Variants in LRRC49 observed in about 807,000 individuals in gnomAD.
LRRC49 encodes leucine rich repeat containing 49.
LRRC49 carries 50 observed loss-of-function variants against 83.3 expected under a neutral mutation model. The observed-to-expected ratio is 0.60, with a 90% CI of 0.48 to 0.76. The LOEUF is 0.76. Among genes scored for constraint, LRRC49 ranks in the 30% least tolerant of loss-of-function variants. The pLI is 0.00. For synonymous variants in LRRC49, 286 were observed against 283.3 expected (o/e 1.01, Z -0.10); for missense variants, 704 against 809.1 (o/e 0.87, Z 1.58).
At chr15:70,900,503 A>G in intron 3 of LRRC49, 1 of 456,838 alleles carries the variant, frequency 2.2e-6, no homozygotes, top group Non-Finnish European at 4.4e-6. Flanking sequence ...CCTTATCAGC[A>G]TTTGGAGATT....
upstream of LRRC49, chr15:70,892,158 C>A (rs975926741): frequency 1.2e-6 from 2 of 1,612,486 alleles, no homozygotes; most frequent in Non-Finnish European, 1.7e-6. Context: ...GCGCGGCAAC[C>A]CCGCACGAAG....
At chr15:70,892,696 G>C (rs1006956088), upstream of LRRC49, 2 of 1,459,166 alleles carry the variant, frequency 1.4e-6, no homozygotes, top group African/African-American at 1.4e-5. Flanking sequence ...TGACGCACTG[G>C]GCTCTCACGA....
chr15:70,925,308 A>C (rs1273379360), intron 7 of LRRC49, among the ~76,000 whole-genome samples: 2 of 152,094 alleles, frequency 1.3e-5, no homozygotes, highest in African/African-American at 4.8e-5. Flanking sequence ...AAGTTATGGA[A>C]ATAGGGCAGC....
chr15:70,924,825 G>A (rs890458947), intron 7 of LRRC49, among the ~76,000 whole-genome samples: 3 of 151,874 alleles, frequency 2.0e-5, no homozygotes, highest in African/African-American at 7.3e-5. Context: ...ATGATTGATG[G>A]TTTGACTTGA....
chr15:70,954,506 T>C lies in LRRC49; in HGVS notation c.774-9279T>C, dbSNP rs2036330575. Among the ~76,000 whole-genome samples, 4 of 152,264 alleles carry C rather than the reference T, an allele frequency of 2.6e-5. No individual in the cohort carries two copies. The South Asian group carries it at 8.3e-4, about 32-fold the overall frequency. On this transcript the variant is annotated intron_variant, in intron 8 of 15. Transcript: ENST00000260382. ...ATCTGGAGGTAAGAAGACATGCTGGTTTTTAGAGTTGCCAGAGTTCTTGTG... is the reference window on the plus strand; with the variant it reads ...ATCTGGAGGTAAGAAGACATGCTGGCTTTTAGAGTTGCCAGAGTTCTTGTG...
chr15:70,917,396 C>T (rs138156731), intron 6 of LRRC49, among the ~76,000 whole-genome samples: 2 of 152,308 alleles, frequency 1.3e-5, no homozygotes, highest in East Asian at 1.9e-4. Flanking sequence ...TACCCTGAAG[C>T]CCATAAAAGC....
chr15:71,045,721 C>CT (rs1473224534), intron 15 of LRRC49, among the ~76,000 whole-genome samples: 4 of 151,356 alleles, frequency 2.6e-5, no homozygotes, highest in Non-Finnish European at 5.9e-5. Flanking sequence ...AATATTTCAC[C>CT]TTTTAGATAT....
chr15:70,873,277 T>A, intron 2 of LRRC49: 1 of 1,513,652 alleles, frequency 6.6e-7, no homozygotes, highest in Non-Finnish European at 8.9e-7. Flanking sequence ...TACTCTGCTA[T>A]CCCCTCACTG....
chr15:71,012,100 T>C (rs901059854), intron 13 of LRRC49, among the ~76,000 whole-genome samples: 2 of 152,108 alleles, frequency 1.3e-5, no homozygotes, highest in African/African-American at 2.4e-5. Context: ...GCAAAATGGC[T>C]CTTGGCTGGG....
intron 2 of LRRC49, among the ~76,000 whole-genome samples, chr15:70,883,268 T>C (rs987168877): frequency 2.0e-5 from 3 of 151,982 alleles, no homozygotes; most frequent in African/African-American, 7.3e-5. Flanking sequence ...CTCGGCTCAC[T>C]GCAATCTCCG....
At chr15:70,893,482 G>A (rs942886685) in intron 1 of LRRC49, 102 bp from the exon 2 acceptor site, 27 of 716,102 alleles carry the variant, frequency 3.8e-5, no homozygotes, top group African/African-American at 1.8e-4. Context: ...AGAGCATTGT[G>A]TTCTATTTTT....
intron 7 of LRRC49, among the ~76,000 whole-genome samples, chr15:70,919,792 G>C (rs572683718): frequency 3.9e-5 from 6 of 152,012 alleles, no homozygotes; most frequent in African/African-American, 1.4e-4. Flanking sequence ...GTGTTTTTTG[G>C]TTTATTGACT....
At chr15:70,986,302 T>A (rs892196397) in intron 11 of LRRC49, among the ~76,000 whole-genome samples, 8 of 152,126 alleles carry the variant, frequency 5.3e-5, no homozygotes, top group Non-Finnish European at 8.8e-5. Flanking sequence ...TATCCTCTTT[T>A]ATTTCATTGA....
upstream of LRRC49, chr15:70,891,881 GTACAGGA>G (rs2033588049): frequency 6.2e-7 from 1 of 1,611,480 alleles, no homozygotes; most frequent in Non-Finnish European, 8.5e-7. Context: ...TCGGGGGCGT[GTACAGGA>G]GACTGGACCT....
chr15:70,938,578 A>G (rs953057858), intron 8 of LRRC49, among the ~76,000 whole-genome samples: 2 of 152,186 alleles, frequency 1.3e-5, no homozygotes, highest in African/African-American at 4.8e-5. Flanking sequence ...GAAAAATCAG[A>G]GAGAACAACT....
At chr15:71,044,455 T>G (rs1376218976) in intron 15 of LRRC49, among the ~76,000 whole-genome samples, 1 of 152,190 alleles carries the variant, frequency 6.6e-6, no homozygotes, top group African/African-American at 2.4e-5. Flanking sequence ...TAACTTACAT[T>G]AATTAATCAG....
intron 14 of LRRC49, among the ~76,000 whole-genome samples, chr15:71,022,377 A>T (rs2039021439): frequency 1.3e-5 from 2 of 152,226 alleles, no homozygotes; most frequent in African/African-American, 2.4e-5. Flanking sequence ...TGTCTCCAAA[A>T]AAAACCAAAA....
chr15:71,002,628 A>G lies in LRRC49; in HGVS notation c.1170-5751A>G, dbSNP rs1313001413. On this transcript the variant is annotated intron_variant, in intron 11 of 15. Coordinates refer to ENST00000260382, the MANE Select transcript of LRRC49 (RefSeq NM_017691.5). ...ACTACTATAATAAAATATAATGCAT[A>G]CAATGAATTTTCACACCTATGAATG... Among the ~76,000 whole-genome samples, 4 of 152,320 alleles carry G rather than the reference A, an allele frequency of 2.6e-5. No homozygotes were observed. The East Asian group carries it at 5.8e-4, about 22-fold the overall frequency.
chr15:70,995,795 A>C (rs190416623), intron 11 of LRRC49, among the ~76,000 whole-genome samples: 35 of 152,310 alleles, frequency 2.3e-4, no homozygotes, highest in Admixed American at 1.6e-3. Context: ...TGGTCTCAAA[A>C]CAAGCAAGCT....
Sources: gnomAD v4.1 joint callset for allele counts (sites outside exome capture counted in the v4.1 genomes callset) on GRCh38, gnomAD v4.1.1 for gene constraint, MANE v1.5 for transcripts, NCBI Gene and HGNC (gene_info 2026-07-23, HGNC 2026-07-21) for gene names.